Variants in CCDC192 observed in about 807,000 individuals in gnomAD.
CCDC192 encodes coiled-coil domain containing 192, also known as coiled-coil domain-containing protein 192.
chr5:127,884,857 A>T (rs374177421), intron 6 of CCDC192, among the ~76,000 whole-genome samples: 9 of 152,104 alleles, frequency 5.9e-5, no homozygotes, highest in African/African-American at 2.2e-4. Flanking sequence ...TCATTTTTAC[A>T]CTACTTATTT....
chr5:127,912,419 CAAAAA>C (rs60854127), intron 6 of CCDC192, among the ~76,000 whole-genome samples: 14 of 81,444 alleles, frequency 1.7e-4, no homozygotes, highest in African/African-American at 6.6e-4. Context: ...CTGGGTTTAG[CAAAAA>C]AAAAAAAAAA....
At chr5:127,893,200 A>G (rs1483183542) in intron 6 of CCDC192, among the ~76,000 whole-genome samples, 1 of 152,208 alleles carries the variant, frequency 6.6e-6, no homozygotes, top group Non-Finnish European at 1.5e-5. Flanking sequence ...ACTGGCAGGC[A>G]CCAGGAAGTA....
intron 5 of CCDC192, among the ~76,000 whole-genome samples, chr5:127,842,965 G>T (rs1269915064): frequency 6.6e-6 from 1 of 151,864 alleles, no homozygotes; most frequent in Admixed American, 6.6e-5. Context: ...GAGTTTCATG[G>T]CATCTGTGAT....
intron 3 of CCDC192, among the ~76,000 whole-genome samples, chr5:127,783,595 G>C (rs902998699): frequency 3.3e-5 from 5 of 152,166 alleles, no homozygotes. Context: ...TGTGTATTCT[G>C]TGGTCGTTGG....
chr5:127,770,985 C>A (rs1755517873), intron 3 of CCDC192, among the ~76,000 whole-genome samples: 1 of 152,122 alleles, frequency 6.6e-6, no homozygotes, highest in South Asian at 2.1e-4. Context: ...TCACAGTATT[C>A]CTGGCTAGAG....
chr5:127,711,387 A>G (rs1393356378), intron 2 of CCDC192, among the ~76,000 whole-genome samples: 1 of 152,210 alleles, frequency 6.6e-6, no homozygotes, highest in Non-Finnish European at 1.5e-5. Flanking sequence ...TTAATTTGTA[A>G]GATCAAATAA....
intron 2 of CCDC192, among the ~76,000 whole-genome samples, chr5:127,719,804 C>T (rs903935799): frequency 4.3e-5 from 6 of 138,262 alleles, no homozygotes; most frequent in African/African-American, 1.4e-4. Context: ...GAAGGAGGCA[C>T]GTCTCGCATG....
chr5:127,715,424 G>A (rs1321318181), intron 2 of CCDC192, among the ~76,000 whole-genome samples: 1 of 152,178 alleles, frequency 6.6e-6, no homozygotes, highest in Non-Finnish European at 1.5e-5. Context: ...TTGAAGCTCA[G>A]TTGGCTGTAA....
intron 2 of CCDC192, among the ~76,000 whole-genome samples, chr5:127,719,438 CAT>C (rs750164700): frequency 6.9e-6 from 1 of 145,254 alleles, no homozygotes; most frequent in Non-Finnish European, 1.5e-5. Context: ...TATACACACA[CAT>C]ACATATATAT....
intron 3 of CCDC192, chr5:127,786,056 C>A: frequency 3.0e-6 from 2 of 675,148 alleles, no homozygotes; most frequent in South Asian, 3.2e-5. Flanking sequence ...TCTCCTAGGT[C>A]ATTCTGGATT....
At chr5:127,753,062 T>C (rs1348863476) in intron 2 of CCDC192, among the ~76,000 whole-genome samples, 1 of 152,110 alleles carries the variant, frequency 6.6e-6, no homozygotes, top group Non-Finnish European at 1.5e-5. Flanking sequence ...AATGCAGAAA[T>C]CACCCGTCTT....
intron 5 of CCDC192, among the ~76,000 whole-genome samples, chr5:127,844,184 A>G (rs1432069871): frequency 1.3e-5 from 2 of 152,192 alleles, no homozygotes; most frequent in South Asian, 2.1e-4. Context: ...CTTGCAAGCC[A>G]TCAGTAATTG....
chr5:127,797,711 G>T (rs1259693389), intron 4 of CCDC192, among the ~76,000 whole-genome samples: 1 of 130,960 alleles, frequency 7.6e-6, no homozygotes, highest in African/African-American at 2.9e-5. Flanking sequence ...TGGAATATAT[G>T]GATATGATTT....
chr5:127,707,264 A>G (rs1751021419), intron 1 of CCDC192, among the ~76,000 whole-genome samples: 1 of 152,204 alleles, frequency 6.6e-6, no homozygotes, highest in Non-Finnish European at 1.5e-5. Context: ...GGCTCTAGGC[A>G]TGATAAATAA....
chr5:127,850,323 A>C (rs1750740199), intron 5 of CCDC192, among the ~76,000 whole-genome samples: 1 of 152,190 alleles, frequency 6.6e-6, no homozygotes, highest in Admixed American at 6.5e-5. Context: ...GTAATTTTTA[A>C]AAATTCTCTT....
chr5:127,742,354 A>G (rs790842), intron 2 of CCDC192, among the ~76,000 whole-genome samples: 143,974 of 152,238 alleles, frequency 0.95, 68,158 homozygotes, highest in East Asian at 1. Context: ...TTCTATCAGT[A>G]ATGCTATAGA....
intron 5 of CCDC192, among the ~76,000 whole-genome samples, chr5:127,874,580 G>A (rs747378400): frequency 6.6e-6 from 1 of 152,114 alleles, no homozygotes; most frequent in Non-Finnish European, 1.5e-5. Flanking sequence ...CAGAGGCCAG[G>A]GAAGAATATG....
intron 5 of CCDC192, among the ~76,000 whole-genome samples, chr5:127,829,326 A>G (rs1749680502): frequency 6.6e-6 from 1 of 152,222 alleles, no homozygotes; most frequent in Non-Finnish European, 1.5e-5. Flanking sequence ...AGTCAAGGAA[A>G]CAAATGGGAA....
At chr5:127,753,978 A>G (rs547647002) in intron 2 of CCDC192, among the ~76,000 whole-genome samples, 117 of 152,334 alleles carry the variant, frequency 7.7e-4, no homozygotes, top group South Asian at 1.9e-3. Flanking sequence ...GTAAGAATAA[A>G]AGTTTCAAAG....
Sources: gnomAD v4.1 joint callset for allele counts (sites outside exome capture counted in the v4.1 genomes callset) on GRCh38, gnomAD v4.1.1 for gene constraint, MANE v1.5 for transcripts, NCBI Gene and HGNC (gene_info 2026-07-23, HGNC 2026-07-21) for gene names.